Variants in PCOLCE observed in about 807,000 individuals in gnomAD.
PCOLCE encodes the protein procollagen C-endopeptidase enhancer.
Under a neutral mutation model 47.2 loss-of-function variants are expected in PCOLCE, and 33 were observed. That is an observed-to-expected ratio of 0.70 (90% CI 0.53 to 0.93). PCOLCE has a LOEUF of 0.93. Ranked by LOEUF, PCOLCE falls within the 40% of genes least tolerant of loss-of-function variation. PCOLCE has a pLI of 0.00. For synonymous variants in PCOLCE, 254 were observed against 252.5 expected, an observed-to-expected ratio of 1.01 and a Z score of -0.06; for missense variants, 584 against 585.3, an observed-to-expected ratio of 1.00 and a Z score of 0.02.
Position 100,605,457 on chromosome 7 carries a change from T to C in PCOLCE, c.589-219T>C, listed in dbSNP as rs1416855749. The stretch of plus-strand genomic sequence containing the variant: ...AACACGCGGGCCTGTCACTTGTGAG[T>C]GCGCCAGGACTTGACCTTGCCAACC... On this transcript the variant is annotated intron_variant, in intron 4 of 8. Coordinates refer to ENST00000223061, the MANE Select transcript of PCOLCE (RefSeq NM_002593.4). This position sits in a 1 kb window ranked among gnomAD's most constrained non-coding sequence, Gnocchi z 6.1. 4.5e-6 allele frequency: 3 copies of C among 659,422 alleles called. No individual in the cohort carries two copies. In the African/African-American group the frequency reaches 5.5e-5, roughly 12 times the overall value. 40.8% of individuals were successfully genotyped at this position (659,422 alleles called of 1,614,324 possible).
chr7:100,603,546 AC>A lies in PCOLCE; in HGVS notation c.204+12del. On this transcript the variant is annotated intron_variant, in intron 2 of 8. Coordinates refer to ENST00000223061, the MANE Select transcript of PCOLCE (RefSeq NM_002593.4). ...TGCATCTGGACCATAACGGTGAGAA[AC>A]CCCTCTGGGCACTACCCCTTGTTAA... The A allele has an allele frequency of 6.8e-7, 1 of 1,466,414 alleles. No homozygotes were observed. The highest frequency in any genetic ancestry group is 1.8e-5 in the Admixed American group (1 of 54,536). The allele number at this position is 1,466,414 out of a possible 1,614,324, so 90.8% of individuals were successfully genotyped here.
At chr7:100,602,867 GA>G in intron 1 of PCOLCE, 1 of 428,690 alleles carries the variant, frequency 2.3e-6, no homozygotes, top group East Asian at 4.6e-5. Context: ...TGGATTCCAG[GA>G]AGGAATTCGA....
In PCOLCE at chr7:100,606,646, G is replaced by A. The variant is rs1237755931; in HGVS notation, c.940+16G>A. On this transcript the variant is annotated intron_variant, in intron 6 of 8. Coordinates refer to ENST00000223061, the MANE Select transcript of PCOLCE (RefSeq NM_002593.4). ...TCAGCCCCTGGTGAGTCTGGGATAG[G>A]GGAGGAAGGGGAAACAGACTGAAGG... The A allele has an allele frequency of 6.4e-7, 1 of 1,569,312 alleles. No homozygotes were observed. The highest frequency in any genetic ancestry group is 1.4e-5 in the African/African-American group (1 of 73,552).
In PCOLCE at chr7:100,606,056, T is replaced by C. The variant is rs370691579; in HGVS notation, c.725+244T>C. 965 of 569,788 alleles carry C rather than the reference T, an allele frequency of 1.7e-3. 17 individuals are homozygous for C. In the South Asian group the frequency reaches 0.019, roughly 11 times the overall value. 35.3% of individuals were successfully genotyped at this position (569,788 alleles called of 1,614,324 possible). A position where few individuals can be genotyped will look rare whatever the true frequency, so the allele number is the denominator to read the frequency against. On this transcript the variant is annotated intron_variant, in intron 5 of 8. Coordinates refer to ENST00000223061, the MANE Select transcript of PCOLCE (RefSeq NM_002593.4). ...AGTTAAAAGGCCACCTGGCCAGGGG[T>C]AGTGGCTCATGCCTGTAATCATAGC...
At position 100,603,818 on chromosome 7, in the gene PCOLCE, GC is replaced by G. The variant is rs200187318; in HGVS notation, c.205-138del. 5.5e-4 allele frequency: 504 copies of G among 913,956 alleles called. 5 individuals carry two copies. The East Asian group carries it at 0.012, about 21-fold the overall frequency. 56.6% of individuals were successfully genotyped at this position (913,956 alleles called of 1,614,324 possible). A position where few individuals can be genotyped will look rare whatever the true frequency, so the allele number is the denominator to read the frequency against. On this transcript the variant is annotated intron_variant, in intron 2 of 8. Transcript: ENST00000223061. ...CTACCAGCAGAGCTGCAGAGACCAG[GC>G]CCTCTGCTCTGCACTCACATGGAGG...
intron 6 of PCOLCE, 38 bp from the exon 7 acceptor site, chr7:100,607,414 C>G: frequency 6.5e-7 from 1 of 1,548,092 alleles, no homozygotes; most frequent in South Asian, 1.1e-5. Flanking sequence ...TCCCTCCTAC[C>G]TGCTGAGCAG....
Position 100,607,963 on chromosome 7 carries a change from G to A in PCOLCE, c.1210G>A (p.Val404Ile). ...AGTCAGTTATCTGCTGATGGGCCAG[G>A]TAGAAGAGAACAGAGGCCCCGTCCT... is the stretch of plus-strand genomic sequence containing the variant. ...KGVSYLLMGQ[V>I]EENRGPVLPP... Residue 404 changes from valine to isoleucine, a missense_variant, in exon 9 of 9, where the codon GTA (valine) becomes ATA (isoleucine). Val to Ile is a conservative substitution (Grantham distance 29). Transcript: ENST00000223061. 6.2e-7 allele frequency: 1 copy of A among 1,614,142 alleles called. No individual in the cohort carries two copies. The highest frequency in any genetic ancestry group is 1.1e-5 in the South Asian group (1 of 91,076).
rs892285334 is a variant in PCOLCE at position 100,605,079 on chromosome 7, T to C, written c.464-12T>C. 1 of 1,598,672 alleles carries C rather than the reference T, an allele frequency of 6.3e-7. No homozygotes were observed. The highest frequency in any genetic ancestry group is 1.7e-4 in the Middle Eastern group (1 of 5,848). On this transcript the variant is annotated splice_polypyrimidine_tract_variant and intron_variant, in intron 3 of 8. Transcript: ENST00000223061. The surrounding 1 kb of genome is among the most constrained non-coding windows in gnomAD (Gnocchi z 6.1). ...ACCGCCCCCCACCCCCGCTCCTCTC[T>C]CCCCTCCCCAGAGCACCAATTTTGC...
rs760985052 is a variant in PCOLCE at position 100,603,935 on chromosome 7, C to A, written c.205-24C>A. 7 of 1,596,196 alleles carry A rather than the reference C, an allele frequency of 4.4e-6. 1 individual carries two copies. The South Asian group carries it at 7.7e-5, about 18-fold the overall frequency. ...TTGTGTGGGGCCTGACTCTGTGGGTCCCCGCCTCTGTCCCCGCTATCAGGT... is the reference window on the plus strand; with the variant it reads ...TTGTGTGGGGCCTGACTCTGTGGGTACCCGCCTCTGTCCCCGCTATCAGGT... On this transcript the variant is annotated intron_variant, in intron 2 of 8. Coordinates refer to ENST00000223061, the MANE Select transcript of PCOLCE (RefSeq NM_002593.4).
In PCOLCE at chr7:100,604,269, G is replaced by A. The variant is rs1357821711; in HGVS notation, c.463+52G>A. ...CCCCCCTCCAGGCCCCGCCCCGGCC[G>A]CAGCCCCGCCCCCAGCCCTAACCTC... On this transcript the variant is annotated intron_variant, in intron 3 of 8. Coordinates refer to ENST00000223061, the MANE Select transcript of PCOLCE (RefSeq NM_002593.4). This position sits in a 1 kb window ranked among gnomAD's most constrained non-coding sequence, Gnocchi z 6.4. 7.1e-7 allele frequency: 1 copy of A among 1,407,262 alleles called. No homozygotes were observed. Among genetic ancestry groups the A allele is most frequent in the Non-Finnish European group, 9.4e-7 (1 of 1,065,490 alleles). The allele number at this position is 1,407,262 out of a possible 1,614,324, so 87.2% of individuals were successfully genotyped here.
intron 1 of PCOLCE, chr7:100,602,891 G>A (rs999700984): frequency 8.0e-6 from 3 of 374,926 alleles, no homozygotes; most frequent in African/African-American, 2.1e-5. Context: ...GGGATTGTAG[G>A]GGGAGGAGGG....
At chr7:100,603,255 A>G (rs1386386835) in intron 1 of PCOLCE, 175 bp from the exon 2 acceptor site, 3 of 475,886 alleles carry the variant, frequency 6.3e-6, no homozygotes, top group Non-Finnish European at 1.1e-5. Context: ...GGAGTCTGGG[A>G]CACCCCAGCC....
Position 100,604,761 on chromosome 7 carries a change from T to C in PCOLCE, c.464-330T>C. On this transcript the variant is annotated intron_variant, in intron 3 of 8. Transcript: ENST00000223061. The surrounding 1 kb of genome is among the most constrained non-coding windows in gnomAD (Gnocchi z 6.4). ...CCCTCTCCAGCCTGAAAGGGGACTC[T>C]GCTGCAGGGCCGGGGAGATGGGATC... 2.7e-6 allele frequency: 1 copy of C among 371,956 alleles called. No individual in the cohort carries two copies. The highest frequency in any genetic ancestry group is 5.0e-6 in the Non-Finnish European group (1 of 200,466). 23.0% of individuals were successfully genotyped at this position (371,956 alleles called of 1,614,324 possible).
In PCOLCE at chr7:100,604,502, GGTGA is replaced by G. The variant is rs1183798449; in HGVS notation, c.463+288_463+291del. The G allele has an allele frequency of 9.3e-6, 5 of 535,150 alleles. No homozygotes were observed. The East Asian group carries it at 1.4e-4, about 15-fold the overall frequency. 33.2% of individuals were successfully genotyped at this position (535,150 alleles called of 1,614,324 possible). A position where few individuals can be genotyped will look rare whatever the true frequency, so the allele number is the denominator to read the frequency against. ...ATGGGCGGCCTGGGGTTACTGGGAC[GGTGA>G]GTAACTGCCGGCCCCCGTCCGCAAT... On this transcript the variant is annotated intron_variant, in intron 3 of 8. Coordinates refer to ENST00000223061, the MANE Select transcript of PCOLCE (RefSeq NM_002593.4). This position sits in a 1 kb window ranked among gnomAD's most constrained non-coding sequence, Gnocchi z 6.4.
intron 5 of PCOLCE, chr7:100,606,050 CA>C (rs1046690402): frequency 1.7e-6 from 1 of 576,792 alleles, no homozygotes; most frequent in Non-Finnish European, 3.1e-6. Context: ...GCCACCTGGC[CA>C]GGGGTAGTGG....
chr7:100,603,598 T>A, intron 2 of PCOLCE, 60 bp downstream of exon 2: 1 of 769,260 alleles, frequency 1.3e-6, no homozygotes, highest in Non-Finnish European at 2.2e-6. Flanking sequence ...AAGGCCTGAC[T>A]GCGAAGGGAC....
Position 100,605,838 on chromosome 7 carries a change from C to T in PCOLCE, c.725+26C>T. The T allele has an allele frequency of 6.5e-7, 1 of 1,545,490 alleles. No individual in the cohort carries two copies. Among genetic ancestry groups the T allele is most frequent in the Non-Finnish European group, 8.7e-7 (1 of 1,143,270 alleles). Reference sequence around the variant, plus strand: ...GTGAGGGGCGGGACCTGGGCGAGTCCGGGAGAGAGTCGGCGGACCGCACGC... The same window carrying T: ...GTGAGGGGCGGGACCTGGGCGAGTCTGGGAGAGAGTCGGCGGACCGCACGC... On this transcript the variant is annotated intron_variant, in intron 5 of 8. Transcript: ENST00000223061. The surrounding 1 kb of genome is among the most constrained non-coding windows in gnomAD (Gnocchi z 6.1).
chr7:100,604,202 G>A lies in PCOLCE; in HGVS notation c.448G>A (p.Ala150Thr). ...CTTCCTGCTCTGGTACAGCGGGCGG[G>A]CCACCTCGGGCACTGGTGAGAACTC... is the stretch of plus-strand genomic sequence containing the variant. ...RGFLLWYSGRATSGTEHQFCG... is the reference protein window; with the variant it reads ...RGFLLWYSGRTTSGTEHQFCG... Residue 150 changes from alanine (A) to threonine (T), a missense_variant, in exon 3 of 9, where the codon GCC becomes ACC. Physicochemically the swap from Ala to Thr is moderately conservative, Grantham distance 58 (BLOSUM62 0). Coordinates refer to ENST00000223061, the MANE Select transcript of PCOLCE (RefSeq NM_002593.4). The surrounding 1 kb of genome is among the most constrained non-coding windows in gnomAD (Gnocchi z 6.4). 1 of 1,611,496 alleles carries A rather than the reference G, an allele frequency of 6.2e-7. No individual in the cohort carries two copies. Among genetic ancestry groups the A allele is most frequent in the Non-Finnish European group, 8.5e-7 (1 of 1,179,814 alleles).
chr7:100,608,057 G>A lies in PCOLCE; in HGVS notation c.1304G>A (p.Arg435Lys). The A allele has an allele frequency of 6.2e-7, 1 of 1,614,006 alleles. No individual in the cohort carries two copies. Among genetic ancestry groups the A allele is most frequent in the Middle Eastern group, 1.6e-4 (1 of 6,062 alleles). ...QDQILTNLSK[R>K]KCPSQPVRAA... ...CAGATCCTCACCAACCTAAGCAAGAGGAAGTGCCCCTCTCAACCTGTGCGG... is the reference window on the plus strand; with the variant it reads ...CAGATCCTCACCAACCTAAGCAAGAAGAAGTGCCCCTCTCAACCTGTGCGG... The change falls in exon 9 of 9, where the codon AGG becomes AAG. Residue 435 changes from arginine (R) to lysine (K), a missense_variant. By Grantham distance (26) the Arg-to-Lys change is conservative. Transcript: ENST00000223061.
Sources: allele counts gnomAD v4.1 joint callset, GRCh38; gene constraint gnomAD v4.1.1; non-coding constraint Gnocchi (gnomAD v3.1); transcripts MANE v1.5; gene names NCBI Gene and HGNC (gene_info 2026-07-23, HGNC 2026-07-21).